Variants in UNG observed in about 807,000 individuals in gnomAD.
UNG encodes the protein uracil-DNA glycosylase.
A neutral mutation model predicts 36.5 loss-of-function variants in UNG; 34 were observed. That is an observed-to-expected ratio of 0.93 (90% CI 0.71 to 1.24). UNG has a LOEUF of 1.24. Among genes scored for constraint, UNG ranks in the 50% most tolerant of loss-of-function variants. The pLI, the probability that UNG is intolerant of heterozygous loss-of-function variation, is 0.00. For missense variants in UNG, 391 were observed against 397.6 expected (o/e 0.98, Z 0.14); for synonymous variants, 172 against 157.8 (o/e 1.09, Z -0.67).
Position 109,102,881 on chromosome 12 carries a change from T to C in UNG, c.576T>C (p.Asp192=). The C allele has an allele frequency of 6.2e-7, 1 of 1,614,022 alleles. No individual in the cohort carries two copies. Among genetic ancestry groups the C allele is most frequent in the Non-Finnish European group, 8.5e-7 (1 of 1,179,972 alleles). The change falls in exon 5 of 7, where the codon GAT becomes GAC. Residue 192 remains aspartate (D), a synonymous_variant. Coordinates refer to ENST00000242576, the MANE Select transcript of UNG (RefSeq NM_080911.3). ...IYKELSTDIE[D]FVHPGHGDLS... is the part of the protein sequence containing the mutation. ...AAGAGTTGTCTACAGACATAGAGGA[T>C]TTTGTTCATCCTGGCCATGGAGATT...
chr12:109,107,279 C>A (rs908867204), intron 6 of UNG, among the ~76,000 whole-genome samples: 2 of 152,096 alleles, frequency 1.3e-5, no homozygotes, highest in Non-Finnish European at 2.9e-5. Flanking sequence ...CAACTCACTG[C>A]GGCCTCAACC....
intron 6 of UNG, among the ~76,000 whole-genome samples, chr12:109,105,900 GGGGGGTAGA>G (rs1374310034): frequency 6.6e-6 from 1 of 152,222 alleles, no homozygotes; most frequent in African/African-American, 2.4e-5. Context: ...TCTGATTTCA[GGGGGGTAGA>G]GGGGTGGCCC....
At chr12:109,098,389 G>A (rs1347572125) in intron 1 of UNG, 43 bp from the exon 2 acceptor site, 2 of 1,601,724 alleles carry the variant, frequency 1.2e-6, no homozygotes, top group East Asian at 4.5e-5. Context: ...CTGGGAAGGG[G>A]CCGCTGCAGC....
intron 6 of UNG, among the ~76,000 whole-genome samples, chr12:109,106,401 T>C (rs988207513): frequency 2.0e-5 from 3 of 152,174 alleles, no homozygotes; most frequent in Non-Finnish European, 4.4e-5. Context: ...CCTCCTGGAC[T>C]GAGCCCCTTG....
Position 109,103,446 on chromosome 12 carries a change from C to T in UNG, c.636C>T (p.Leu212=), listed in dbSNP as rs764465134. The change falls in exon 6 of 7, where the codon CTC becomes CTT. Residue 212 remains leucine, a synonymous_variant. Transcript: ENST00000242576. ...SGWAKQGVLL[L]NAVLTVRAHQ... is the part of the protein sequence containing the mutation. ...TCATGTGTATAGGTGTTCTCCTTCT[C>T]AACGCTGTCCTCACGGTTCGTGCCC... The T allele has an allele frequency of 6.2e-7, 1 of 1,614,142 alleles. No individual in the cohort carries two copies. The highest frequency in any genetic ancestry group is 2.2e-5 in the East Asian group (1 of 44,866).
chr12:109,101,242 G>A (rs919460091), intron 3 of UNG, among the ~76,000 whole-genome samples: 8 of 146,450 alleles, frequency 5.5e-5, no homozygotes, highest in African/African-American at 7.5e-5. Context: ...ACAGGTGTGC[G>A]CCACCACACC....
At chr12:109,101,298 G>T (rs1211340469) in intron 3 of UNG, among the ~76,000 whole-genome samples, 2 of 151,532 alleles carry the variant, frequency 1.3e-5, no homozygotes, top group Non-Finnish European at 2.9e-5. Flanking sequence ...TCACCATGTT[G>T]GCCAGATGGT....
chr12:109,098,037 C>T (rs1428373587), intron 1 of UNG: 10 of 1,342,636 alleles, frequency 7.4e-6, no homozygotes, highest in Admixed American at 3.1e-5. Context: ...CCAATCCGCG[C>T]GCCGCAGGCC....
Position 109,097,768 on chromosome 12 carries a change from G to A in UNG, c.89G>A (p.Gly30Glu), listed in dbSNP as rs534071307. 5 of 1,565,510 alleles carry A rather than the reference G, an allele frequency of 3.2e-6. No individual in the cohort carries two copies. The African/African-American group carries it at 4.1e-5, about 13-fold the overall frequency. ...CCCAGCCCCGAGCCGGCCGTCCAGG[G>A]GACCGGCGTGGCTGGGGTGCCTGAG... ...HAPSPEPAVQGTGVAGVPEES... is the reference protein window; with the variant it reads ...HAPSPEPAVQETGVAGVPEES... Residue 30 changes from glycine (G) to glutamate (E), a missense_variant, in exon 1 of 7, where the codon GGG becomes GAG. Coordinates refer to ENST00000242576, the MANE Select transcript of UNG (RefSeq NM_080911.3).
At chr12:109,102,127 AC>A in intron 4 of UNG, 128 bp downstream of exon 4, 1 of 820,412 alleles carries the variant, frequency 1.2e-6, no homozygotes, top group Non-Finnish European at 2.0e-6. Flanking sequence ...CGGCCTCAGC[AC>A]CATTGACATT....
At chr12:109,107,165 C>T (rs1254058438) in intron 6 of UNG, among the ~76,000 whole-genome samples, 1 of 151,628 alleles carries the variant, frequency 6.6e-6, no homozygotes, top group Admixed American at 6.6e-5. Context: ...CAACACACTT[C>T]TCAGAATGCA....
chr12:109,099,360 T>G, intron 3 of UNG, 76 bp downstream of exon 3: 1 of 1,222,896 alleles, frequency 8.2e-7, no homozygotes, highest in Non-Finnish European at 1.2e-6. Flanking sequence ...ACACTGGAGT[T>G]AAGCCACAGT....
At position 109,103,523 on chromosome 12, in the gene UNG, T is replaced by C. The variant is rs770213494; in HGVS notation, c.713T>C (p.Val238Ala). 3 of 1,614,220 alleles carry C rather than the reference T, an allele frequency of 1.9e-6. No individual in the cohort carries two copies. The South Asian group carries it at 3.3e-5, about 18-fold the overall frequency. Residue 238 changes from valine to alanine, a missense_variant, in exon 6 of 7, where the codon GTT becomes GCT. Transcript: ENST00000242576. ...GGCTGGGAGCAGTTCACTGATGCAG[T>C]TGTGTCCTGGCTAAATCAGAACTCG... ...ERGWEQFTDA[V>A]VSWLNQNSNG...
At chr12:109,106,378 A>G in intron 6 of UNG, among the ~76,000 whole-genome samples, 1 of 151,790 alleles carries the variant, frequency 6.6e-6, no homozygotes, top group South Asian at 2.1e-4. Flanking sequence ...TTTAGTCCTC[A>G]CCCCTCATCG....
chr12:109,106,934 T>TATATATACGTATATATATATATAA (rs1566123324), intron 6 of UNG, among the ~76,000 whole-genome samples: 5 of 39,924 alleles, frequency 1.3e-4, no homozygotes, highest in African/African-American at 7.0e-4. Context: ...TATATATATA[T>TATATATACGTATATATATATATAA]AAAAAATATT....
chr12:109,097,839 G>C, intron 1 of UNG, 28 bp downstream of exon 1: 17 of 1,503,138 alleles, frequency 1.1e-5, no homozygotes, highest in Non-Finnish European at 1.3e-5. Flanking sequence ...CCGGGGCTAG[G>C]GGGTGAAGGG....
Position 109,099,171 on chromosome 12 carries a change from A to C in UNG, c.340-18A>C. 6.2e-7 allele frequency: 1 copy of C among 1,605,600 alleles called. No homozygotes were observed. On this transcript the variant is annotated intron_variant, in intron 2 of 6. Coordinates refer to ENST00000242576, the MANE Select transcript of UNG (RefSeq NM_080911.3). ...CCAATGAGAATCTGATTTTAAGTCT[A>C]GTTTATCTTTAAATCAGCTAATGGG...
At position 109,102,849 on chromosome 12, in the gene UNG, A is replaced by AT. The variant is rs747306480; in HGVS notation, c.547dup (p.Tyr183LeufsTer2). On this transcript the variant is annotated frameshift_variant, in exon 5 of 7. Transcript: ENST00000242576. LOFTEE classifies it high-confidence loss of function. The stretch of plus-strand genomic sequence containing the variant: ...GTGGCTTGCTTTCAGTTTGGAGAAC[A>AT]TTTATAAAGAGTTGTCTACAGACAT... 1 of 1,612,786 alleles carries AT rather than the reference A, an allele frequency of 6.2e-7. No homozygotes were observed. Among genetic ancestry groups the AT allele is most frequent in the Admixed American group, 1.7e-5 (1 of 59,950 alleles).
At chr12:109,102,384 A>G (rs2042184873) in intron 4 of UNG, among the ~76,000 whole-genome samples, 3 of 152,104 alleles carry the variant, frequency 2.0e-5, no homozygotes, top group Admixed American at 2.0e-4. Context: ...AGGCTGAGGC[A>G]GGAGAATCGC....
Sources: allele counts gnomAD v4.1 joint callset (sites outside exome capture counted in the v4.1 genomes callset), GRCh38; gene constraint gnomAD v4.1.1; transcripts MANE v1.5; gene names NCBI Gene and HGNC (gene_info 2026-07-23, HGNC 2026-07-21).